Variants in EEA1 observed in about 807,000 individuals in gnomAD.
The protein encoded by EEA1 is early endosome antigen 1.
A neutral mutation model predicts 209.2 loss-of-function variants in EEA1; 111 were observed. That is an observed-to-expected ratio of 0.53 (90% CI 0.45 to 0.62). The LOEUF is 0.62. Ranked by LOEUF, EEA1 falls within the 20% of genes least tolerant of loss-of-function variation. EEA1 has a pLI of 0.00. For synonymous variants in EEA1, 536 were observed against 540.6 expected, an observed-to-expected ratio of 0.99 and a Z score of 0.12; for missense variants, 1,343 against 1,530.8, an observed-to-expected ratio of 0.88 and a Z score of 2.05.
At chr12:92,823,326 A>G (rs1006669391) in intron 13 of EEA1, among the ~76,000 whole-genome samples, 2 of 152,172 alleles carry the variant, frequency 1.3e-5, no homozygotes, top group Non-Finnish European at 2.9e-5. Flanking sequence ...TAATGCTCTG[A>G]CTTCTTTAAG....
intron 1 of EEA1, among the ~76,000 whole-genome samples, chr12:92,924,352 T>C (rs1307002568): frequency 6.6e-6 from 1 of 151,644 alleles, no homozygotes; most frequent in African/African-American, 2.4e-5. Context: ...GGATTACAGG[T>C]GCCCGCCACC....
chr12:92,871,312 T>C (rs907252768), intron 2 of EEA1, among the ~76,000 whole-genome samples: 41 of 152,276 alleles, frequency 2.7e-4, no homozygotes, highest in Middle Eastern at 3.4e-3. Context: ...CATATTCCCT[T>C]GTAGCATAAA....
At chr12:92,817,352 T>A (rs1875842281) in intron 14 of EEA1, among the ~76,000 whole-genome samples, 1 of 152,060 alleles carries the variant, frequency 6.6e-6, no homozygotes, top group Non-Finnish European at 1.5e-5. Context: ...AAAGTTCAAT[T>A]ATTTTTATTT....
rs1222966825 is a variant in EEA1 at position 92,775,974 on chromosome 12, T to A, written c.*37A>T. On this transcript the variant is annotated 3_prime_UTR_variant, in exon 29 of 29. Coordinates refer to ENST00000322349, the MANE Select transcript of EEA1 (RefSeq NM_003566.4). ...TTAAGTACATTTATTAAAAATCTAA[T>A]GTTAGTGTAATATTACTCTGAAGTT... is the stretch of plus-strand genomic sequence containing the variant. 1 of 1,596,332 alleles carries A rather than the reference T, an allele frequency of 6.3e-7. No homozygotes were observed. Among genetic ancestry groups the A allele is most frequent in the Non-Finnish European group, 8.5e-7 (1 of 1,170,164 alleles).
At chr12:92,817,381 T>C (rs985736149) in intron 14 of EEA1, among the ~76,000 whole-genome samples, 2 of 152,024 alleles carry the variant, frequency 1.3e-5, no homozygotes, top group African/African-American at 2.4e-5. Flanking sequence ...CCATTTCTGT[T>C]TTTTTTTAAG....
At position 92,798,300 on chromosome 12, in the gene EEA1, G is replaced by A. The variant is rs565077675; in HGVS notation, c.2967+592C>T. On this transcript the variant is annotated intron_variant, in intron 21 of 28. Transcript: ENST00000322349. ...ATTCCTTTAAATTTTTCTAATACAC[G>A]ATGAATGTTGCATAAATTATTTCCT... 1.5e-4 allele frequency among the ~76,000 whole-genome samples: 23 copies of A among 151,584 alleles called. 1 individual carries two copies. Among genetic ancestry groups the A allele is most frequent in the Admixed American group, 1.3e-3 (20 of 15,224 alleles).
chr12:92,853,017 A>T lies in EEA1; in HGVS notation c.415T>A (p.Ser139Thr). 1 of 1,594,658 alleles carries T rather than the reference A, an allele frequency of 6.3e-7. No individual in the cohort carries two copies. The highest frequency in any genetic ancestry group is 8.6e-7 in the Non-Finnish European group (1 of 1,169,406). The change falls in exon 7 of 29, where the codon TCT becomes ACT. Residue 139 changes from serine (S) to threonine (T), a missense_variant. Coordinates refer to ENST00000322349, the MANE Select transcript of EEA1 (RefSeq NM_003566.4). ...LVTDSSAELQ[S>T]LEQQLEEAQT... ...GCTTCTTCTAATTGCTGTTCCAAAG[A>T]CTGTAGTTCTACAAAAAAGTGTCGC... is the stretch of plus-strand genomic sequence containing the variant.
At position 92,852,207 on chromosome 12, in the gene EEA1, C is replaced by T; in HGVS notation, c.610G>A (p.Ala204Thr). ...TRLTEELNKEATVIQDLKTEL... is the reference protein window; with the variant it reads ...TRLTEELNKETTVIQDLKTEL... ...GTCTTCAGATCTTGAATTACAGTTG[C>T]CTCTTTGTTTAATTCTTCTGTCAGA... The change falls in exon 8 of 29, where the codon GCA (alanine) becomes ACA (threonine). Residue 204 changes from alanine to threonine, a missense_variant. This residue lies in a region of EEA1 where 1,307 missense variants were observed against 1,465.5 expected (regional missense o/e 0.89). Transcript: ENST00000322349. 4 of 1,590,806 alleles carry T rather than the reference C, an allele frequency of 2.5e-6. No individual in the cohort carries two copies. The highest frequency in any genetic ancestry group is 3.4e-6 in the Non-Finnish European group (4 of 1,169,580).
intron 3 of EEA1, among the ~76,000 whole-genome samples, chr12:92,864,188 TAGTA>T: frequency 6.6e-6 from 1 of 152,296 alleles, no homozygotes; most frequent in East Asian, 1.9e-4. Context: ...TTCCTTTATG[TAGTA>T]TTCTTTGTGT....
chr12:92,922,798 C>CA (rs930705857), intron 1 of EEA1, among the ~76,000 whole-genome samples: 84 of 147,286 alleles, frequency 5.7e-4, no homozygotes, highest in African/African-American at 1.3e-3. Context: ...ACTAAAAATA[C>CA]AAAAAAAAAA....
chr12:92,816,295 C>A lies in EEA1; in HGVS notation c.1834G>T (p.Ala612Ser). Residue 612 changes from alanine (A) to serine (S), a missense_variant, in exon 15 of 29, where the codon GCA becomes TCA. Coordinates refer to ENST00000322349, the MANE Select transcript of EEA1 (RefSeq NM_003566.4). ...VQEQKAHLRA[A>S]QDRVLSLETS... is the part of the protein sequence containing the mutation. The stretch of plus-strand genomic sequence containing the variant: ...TCTAGGGAAAGGACACGGTCTTGTG[C>A]AGCTCTAAGATGTGCCTTCTGCTCT... 1.1e-5 allele frequency: 18 copies of A among 1,613,964 alleles called. No homozygotes were observed. The highest frequency in any genetic ancestry group is 1.4e-5 in the Non-Finnish European group (17 of 1,179,912).
chr12:92,773,670 T>A lies in EEA1; in HGVS notation c.*2341A>T, dbSNP rs1873524718. ...TGCCAGCTTTAACTGACTGACAAAA[T>A]AATAGTACCAGCAAACATGTAAAAT... is the stretch of plus-strand genomic sequence containing the variant. On this transcript the variant is annotated 3_prime_UTR_variant, in exon 29 of 29. Transcript: ENST00000322349. 6.6e-6 allele frequency: 1 copy of A among 151,676 alleles called. No individual in the cohort carries two copies. The highest frequency in any genetic ancestry group is 2.1e-4 in the South Asian group (1 of 4,824). The allele number at this position is 151,676 out of a possible 1,614,324, so 9.4% of individuals were successfully genotyped here.
At chr12:92,890,306 T>G (rs1879610071) in intron 2 of EEA1, among the ~76,000 whole-genome samples, 1 of 151,958 alleles carries the variant, frequency 6.6e-6, no homozygotes, top group African/African-American at 2.4e-5. Context: ...AAGAATGGAA[T>G]CCACAGAACA....
chr12:92,920,548 T>G (rs1384665548), intron 1 of EEA1, among the ~76,000 whole-genome samples: 1 of 128,224 alleles, frequency 7.8e-6, no homozygotes, highest in Non-Finnish European at 1.7e-5. Context: ...TAGCCATATG[T>G]AGAAAGCTGA....
intron 14 of EEA1, among the ~76,000 whole-genome samples, chr12:92,816,646 CAATTT>C (rs909770933): frequency 6.6e-6 from 1 of 152,086 alleles, no homozygotes; most frequent in Non-Finnish European, 1.5e-5. Context: ...AAAATTCATT[CAATTT>C]AAGTTGTACA....
chr12:92,912,010 A>T (rs1481729726), intron 1 of EEA1, among the ~76,000 whole-genome samples: 1 of 152,238 alleles, frequency 6.6e-6, no homozygotes, highest in African/African-American at 2.4e-5. Context: ...GCCCTGGTTG[A>T]TATCGAAAAG....
intron 14 of EEA1, 127 bp downstream of exon 14, chr12:92,819,181 A>G (rs1346515857): frequency 8.2e-6 from 7 of 850,642 alleles, no homozygotes; most frequent in Non-Finnish European, 1.2e-5. Context: ...GCTATTTGGC[A>G]AAAAATATAT....
intron 1 of EEA1, among the ~76,000 whole-genome samples, chr12:92,894,164 A>G (rs1879771692): frequency 1.3e-5 from 2 of 152,156 alleles, no homozygotes; most frequent in South Asian, 4.1e-4. Context: ...ACTACAACCC[A>G]TACCCATATA....
intron 13 of EEA1, among the ~76,000 whole-genome samples, chr12:92,824,238 G>A (rs960356928): frequency 6.6e-6 from 1 of 152,136 alleles, no homozygotes; most frequent in African/African-American, 2.4e-5. Flanking sequence ...AGCATAACTA[G>A]AATCTGACTT....
Sources: allele counts gnomAD v4.1 joint callset (sites outside exome capture counted in the v4.1 genomes callset), GRCh38; gene constraint gnomAD v4.1.1; regional missense constraint gnomAD v4.1.1; transcripts MANE v1.5; gene names NCBI Gene and HGNC (gene_info 2026-07-23, HGNC 2026-07-21).